HEMK2: variants seen among roughly 807,000 people sequenced by gnomAD.
HEMK2 encodes methyltransferase HEMK2.
At chr21:28,693,932 G>C in the HEMK2 span, among the ~76,000 whole-genome samples, 1 of 152,172 alleles carries the variant, frequency 6.6e-6, no homozygotes, top group African/African-American at 2.4e-5. Context: ...AATCAAGAGA[G>C]AATTTTTTTT....
chr21:28,658,801 G>A, the HEMK2 span, among the ~76,000 whole-genome samples: 2 of 152,088 alleles, frequency 1.3e-5, no homozygotes, highest in Non-Finnish European at 2.9e-5. Context: ...CTTGTCTGCT[G>A]CATATGCTGA....
the HEMK2 span, among the ~76,000 whole-genome samples, chr21:28,801,324 T>C: frequency 1.3e-5 from 2 of 152,240 alleles, no homozygotes; most frequent in Non-Finnish European, 1.5e-5. Flanking sequence ...TCACATTTTA[T>C]ACTAGGACAA....
chr21:28,835,063 T>C, the HEMK2 span, among the ~76,000 whole-genome samples: 3 of 152,074 alleles, frequency 2.0e-5, no homozygotes, highest in African/African-American at 4.8e-5. Context: ...CTATCCACCC[T>C]GGTCACGGAA....
chr21:28,730,395 C>CAGACACACAG, the HEMK2 span, among the ~76,000 whole-genome samples: 59 of 142,942 alleles, frequency 4.1e-4, no homozygotes, highest in African/African-American at 1.5e-3. Context: ...CACACACACA[C>CAGACACACAG]ACACACACAC....
the HEMK2 span, among the ~76,000 whole-genome samples, chr21:28,658,550 G>C: frequency 6.6e-6 from 1 of 152,056 alleles, no homozygotes; most frequent in Non-Finnish European, 1.5e-5. Context: ...GCCTGCAGGA[G>C]GTTGTAATCT....
the HEMK2 span, among the ~76,000 whole-genome samples, chr21:28,704,885 T>C: frequency 3.9e-5 from 6 of 152,218 alleles, no homozygotes. Context: ...GTGGAGCATG[T>C]AAAGGCAGCA....
the HEMK2 span, among the ~76,000 whole-genome samples, chr21:28,880,946 A>AAAAAC: frequency 6.7e-6 from 1 of 150,020 alleles, no homozygotes; most frequent in African/African-American, 2.4e-5. Flanking sequence ...AAAAAAAAAA[A>AAAAAC]AAAAAACCGG....
At chr21:28,864,245 C>T in the HEMK2 span, among the ~76,000 whole-genome samples, 1 of 152,118 alleles carries the variant, frequency 6.6e-6, no homozygotes, top group African/African-American at 2.4e-5. Context: ...CTTTAACCAC[C>T]CACCTCCTTT....
chr21:28,599,686 C>T, the HEMK2 span, among the ~76,000 whole-genome samples: 1 of 152,150 alleles, frequency 6.6e-6, no homozygotes, highest in South Asian at 2.1e-4. Flanking sequence ...AGCATTAACT[C>T]AAAAGTCCAC....
At chr21:28,695,824 A>C in the HEMK2 span, among the ~76,000 whole-genome samples, 1 of 151,176 alleles carries the variant, frequency 6.6e-6, no homozygotes, top group Non-Finnish European at 1.5e-5. Context: ...AAAAGTCCAC[A>C]GTCCAAAGTC....
chr21:28,611,688 A>G, the HEMK2 span, among the ~76,000 whole-genome samples: 4 of 152,050 alleles, frequency 2.6e-5, no homozygotes, highest in Admixed American at 2.0e-4. Flanking sequence ...CAGATGGATC[A>G]CTTGAGGTCA....
chr21:28,675,050 C>G, the HEMK2 span, among the ~76,000 whole-genome samples: 2 of 152,160 alleles, frequency 1.3e-5, no homozygotes, highest in Non-Finnish European at 2.9e-5. Flanking sequence ...GATTCATTAG[C>G]TACCTAAGGA....
the HEMK2 span, among the ~76,000 whole-genome samples, chr21:28,884,158 A>C: frequency 6.6e-6 from 1 of 152,346 alleles, no homozygotes; most frequent in South Asian, 2.1e-4. Context: ...GAAATAACCC[A>C]AGACTTTATA....
the HEMK2 span, among the ~76,000 whole-genome samples, chr21:28,654,720 A>G: frequency 1.3e-5 from 2 of 152,142 alleles, no homozygotes; most frequent in African/African-American, 4.8e-5. Context: ...CTTGGAATTC[A>G]TAGTTTTAGC....
chr21:28,672,316 T>A, the HEMK2 span, among the ~76,000 whole-genome samples: 1 of 152,040 alleles, frequency 6.6e-6, no homozygotes, highest in East Asian at 1.9e-4. Context: ...TGCCTATCAC[T>A]GGGTGTTAAA....
At chr21:28,641,809 G>A in the HEMK2 span, among the ~76,000 whole-genome samples, 8 of 152,136 alleles carry the variant, frequency 5.3e-5, no homozygotes, top group Admixed American at 5.2e-4. Context: ...ACTGGACCAG[G>A]GATGGATCCA....
the HEMK2 span, among the ~76,000 whole-genome samples, chr21:28,605,728 CGTGTGTTTAT>C: frequency 6.6e-6 from 1 of 151,914 alleles, no homozygotes. Flanking sequence ...ATCCATGTAT[CGTGTGTTTAT>C]GTGTGTATAT....
the HEMK2 span, among the ~76,000 whole-genome samples, chr21:28,831,311 T>C: frequency 1.3e-5 from 2 of 151,134 alleles, no homozygotes; most frequent in South Asian, 2.1e-4. Context: ...CTGGGCGTGG[T>C]AGCGGGCGCC....
At chr21:28,804,611 C>A in the HEMK2 span, among the ~76,000 whole-genome samples, 2 of 152,098 alleles carry the variant, frequency 1.3e-5, no homozygotes. Flanking sequence ...AATAAATACA[C>A]ATTGAAATCA....
Sources: gnomAD v4.1 joint callset for allele counts (sites outside exome capture counted in the v4.1 genomes callset) on GRCh38, gnomAD v4.1.1 for gene constraint, MANE v1.5 for transcripts, NCBI Gene and HGNC (gene_info 2026-07-23, HGNC 2026-07-21) for gene names.